The following TRPM6 variants were observed in gnomAD, a reference collection of about 807,000 sequenced individuals.
The protein encoded by TRPM6 is transient receptor potential cation channel subfamily M member 6, also known as channel kinase 2.
In TRPM6, 111 loss-of-function variants were observed where a neutral mutation model predicts 247.6. That is an observed-to-expected ratio of 0.45 (90% confidence interval 0.38 to 0.52). TRPM6 has a LOEUF of 0.52. Ranked by LOEUF, TRPM6 falls within the 20% of genes least tolerant of loss-of-function variation. The probability of loss-of-function intolerance (pLI) is 0.00; values close to 1 mark genes in which losing one functional copy is unlikely to be tolerated. For missense variants in TRPM6, 2,126 were observed against 2,421.5 expected (o/e 0.88, Z 2.56); for synonymous variants, 892 against 853.8 (o/e 1.04, Z -0.78).
chr9:74,850,933 A>C (rs920159548), intron 3 of TRPM6, among the ~76,000 whole-genome samples: 1 of 152,136 alleles, frequency 6.6e-6, no homozygotes, highest in Non-Finnish European at 1.5e-5. Flanking sequence ...ACACAAGACA[A>C]ATAATGATTC....
At chr9:74,730,698 G>A (rs1370454545) in intron 37 of TRPM6, among the ~76,000 whole-genome samples, 1 of 152,158 alleles carries the variant, frequency 6.6e-6, no homozygotes, top group Admixed American at 6.5e-5. Context: ...TGCTGACCTT[G>A]TTGGTCCACG....
chr9:74,743,569 C>G (rs1025935004), intron 32 of TRPM6, among the ~76,000 whole-genome samples: 1 of 152,228 alleles, frequency 6.6e-6, no homozygotes, highest in Non-Finnish European at 1.5e-5. Context: ...ATTATTCCCA[C>G]TTTGAAAGAA....
chr9:74,856,852 G>C (rs893814840), intron 2 of TRPM6, among the ~76,000 whole-genome samples: 4 of 151,992 alleles, frequency 2.6e-5, no homozygotes, highest in African/African-American at 7.3e-5. Context: ...TAAAAAAAAG[G>C]CTGGCTAGAA....
rs1827053192 is a variant in TRPM6, at chr9:74,771,809, T to C, written c.3430A>G (p.Lys1144Glu). The C allele has an allele frequency of 9.3e-6, 15 of 1,613,930 alleles. 1 individual carries two copies. Among genetic ancestry groups the C allele is most frequent in the Non-Finnish European group, 1.3e-5 (15 of 1,179,856 alleles). ...LKLYLSKEDL[K>E]KLHDFEEQCV... is the part of the protein sequence containing the mutation. ...TGCTCCTCAAAATCATGAAGTTTTT[T>C]CAGATCCTCCTTACTGAGGTAGAGT... Residue 1144 changes from lysine to glutamate, a missense_variant, in exon 25 of 39, where the codon AAA (lysine) becomes GAA (glutamate). By Grantham distance (56) the Lys-to-Glu change is moderately conservative (BLOSUM62 1). Coordinates refer to ENST00000360774, the MANE Select transcript of TRPM6 (RefSeq NM_017662.5).
chr9:74,845,919 A>G (rs1447446575), intron 3 of TRPM6, among the ~76,000 whole-genome samples: 1 of 152,216 alleles, frequency 6.6e-6, no homozygotes, highest in Non-Finnish European at 1.5e-5. Flanking sequence ...GTAGAGGGAA[A>G]GAGTTATAAT....
At chr9:74,747,365 G>A (rs1014970379) in intron 31 of TRPM6, among the ~76,000 whole-genome samples, 5 of 152,232 alleles carry the variant, frequency 3.3e-5, no homozygotes, top group African/African-American at 1.2e-4. Flanking sequence ...CAAGAACACA[G>A]AAGATGAAGG....
At chr9:74,838,131 C>G (rs906883964) in intron 5 of TRPM6, among the ~76,000 whole-genome samples, 10 of 152,170 alleles carry the variant, frequency 6.6e-5, no homozygotes, top group Non-Finnish European at 1.0e-4. Context: ...CATCTCCACA[C>G]TACTCTATTT....
intron 28 of TRPM6, among the ~76,000 whole-genome samples, chr9:74,755,099 T>A (rs896853147): frequency 1.3e-5 from 2 of 152,168 alleles, no homozygotes; most frequent in Admixed American, 6.5e-5. Context: ...CTGAGTCAGG[T>A]TCAACAGCTT....
At chr9:74,840,501 G>A (rs1277965193) in intron 4 of TRPM6, among the ~76,000 whole-genome samples, 4 of 152,214 alleles carry the variant, frequency 2.6e-5, no homozygotes, top group Admixed American at 2.0e-4. Flanking sequence ...GCTCTCCAGA[G>A]AACCTGGGGT....
chr9:74,817,655 C>T (rs570139367), intron 9 of TRPM6, among the ~76,000 whole-genome samples: 204 of 152,300 alleles, frequency 1.3e-3, no homozygotes, highest in African/African-American at 4.8e-3. Flanking sequence ...CACCTATGGG[C>T]CCTTGAGGCA....
At chr9:74,857,789 A>C (rs1170902855) in intron 2 of TRPM6, 1 of 152,236 alleles carries the variant, frequency 6.6e-6, no homozygotes, top group Non-Finnish European at 1.5e-5. Flanking sequence ...AATAAAGTCT[A>C]TGGAAGGAAA....
intron 24 of TRPM6, among the ~76,000 whole-genome samples, chr9:74,772,171 C>G (rs1392889523): frequency 2.6e-5 from 4 of 152,266 alleles, no homozygotes; most frequent in African/African-American, 7.2e-5. Context: ...CCCAGCTACA[C>G]AGGAAACTGA....
chr9:74,839,758 C>T (rs1033097800), intron 5 of TRPM6, among the ~76,000 whole-genome samples: 1 of 151,812 alleles, frequency 6.6e-6, no homozygotes, highest in Non-Finnish European at 1.5e-5. Context: ...CTTTCTTCCT[C>T]ACAGCACCAC....
In TRPM6 at chr9:74,724,332, A is replaced by C. The variant is rs1825243186; in HGVS notation, c.*281T>G. 2.1e-6 allele frequency: 1 copy of C among 481,676 alleles called. No individual in the cohort carries two copies. Among genetic ancestry groups the C allele is most frequent in the Admixed American group, 3.3e-5 (1 of 30,234 alleles). The allele number at this position is 481,676 out of a possible 1,614,324, so 29.8% of individuals were successfully genotyped here. A position where few individuals can be genotyped will look rare whatever the true frequency, so the allele number is the denominator to read the frequency against. On this transcript the variant is annotated 3_prime_UTR_variant, in exon 39 of 39. Coordinates refer to ENST00000360774, the MANE Select transcript of TRPM6 (RefSeq NM_017662.5). ...CTCCAAAGTTCCAAGTGACCAGCTA[A>C]AGCAATGAGGTACACAAGAACAATA...
intron 1 of TRPM6, among the ~76,000 whole-genome samples, chr9:74,881,973 C>A (rs1024320180): frequency 6.6e-6 from 1 of 152,122 alleles, no homozygotes; most frequent in Non-Finnish European, 1.5e-5. Flanking sequence ...TTCAATAAAT[C>A]ATGCTGGGAA....
At chr9:74,852,689 C>T (rs1040943574) in intron 3 of TRPM6, among the ~76,000 whole-genome samples, 3 of 152,312 alleles carry the variant, frequency 2.0e-5, no homozygotes, top group African/African-American at 4.8e-5. Flanking sequence ...GACGGGGTTT[C>T]GCAGTGTTGG....
intron 9 of TRPM6, among the ~76,000 whole-genome samples, chr9:74,818,090 A>C (rs530155250): frequency 2.8e-4 from 42 of 152,240 alleles, no homozygotes; most frequent in Middle Eastern, 3.4e-3. Flanking sequence ...TATCACCTGC[A>C]AGCCCTTTGC....
chr9:74,866,955 T>C (rs776845284), intron 1 of TRPM6, among the ~76,000 whole-genome samples: 7 of 152,238 alleles, frequency 4.6e-5, no homozygotes, highest in Non-Finnish European at 1.0e-4. Flanking sequence ...TATTTACTTA[T>C]TAGTTCATTT....
At chr9:74,781,551 A>G (rs867644587) in intron 23 of TRPM6, among the ~76,000 whole-genome samples, 53 of 148,522 alleles carry the variant, frequency 3.6e-4, no homozygotes, top group African/African-American at 5.7e-4. Context: ...AAAAAAAAAA[A>G]AAGAAGAAAA....
Sources: gnomAD v4.1 joint callset for allele counts (sites outside exome capture counted in the v4.1 genomes callset) on GRCh38, gnomAD v4.1.1 for gene constraint, MANE v1.5 for transcripts, NCBI Gene and HGNC (gene_info 2026-07-23, HGNC 2026-07-21) for gene names.